The following TENM3 variants were observed in gnomAD, a reference collection of about 807,000 sequenced individuals.
TENM3 encodes teneurin transmembrane protein 3, also known as teneurin-3.
TENM3 carries 63 observed loss-of-function variants against 255.1 expected under a neutral mutation model. The observed-to-expected ratio is 0.25, with a 90% confidence interval of 0.20 to 0.30. The LOEUF (loss-of-function observed/expected upper bound fraction) is 0.30, where lower values mean the gene tolerates loss of function less well. TENM3 is among the 10% of genes least tolerant of loss of function. The pLI is 1.00. For missense variants in TENM3, 2,929 were observed against 3,461.1 expected (o/e 0.85, Z 3.86); for synonymous variants, 1,306 against 1,322.3 (o/e 0.99, Z 0.27).
chr4:182,335,351 C>A (rs919133380), intron 2 of TENM3, among the ~76,000 whole-genome samples: 1 of 142,282 alleles, frequency 7.0e-6, no homozygotes, highest in Non-Finnish European at 1.5e-5. Flanking sequence ...AAAAATTAGC[C>A]GGGCGCGGTG....
At chr4:181,922,385 G>A in the TENM3 span, among the ~76,000 whole-genome samples, 8 of 152,098 alleles carry the variant, frequency 5.3e-5, no homozygotes, top group Non-Finnish European at 8.8e-5. Context: ...TGGTTGCTAA[G>A]CTATTGATTA....
chr4:182,728,410 A>AT (rs149907577), intron 13 of TENM3, among the ~76,000 whole-genome samples: 2,331 of 152,240 alleles, frequency 0.015, 34 homozygotes, highest in Non-Finnish European at 0.023. Flanking sequence ...CTAATCACTA[A>AT]TTTTTTTATT....
chr4:182,484,224 A>G (rs574728841), intron 3 of TENM3, among the ~76,000 whole-genome samples: 3 of 152,286 alleles, frequency 2.0e-5, no homozygotes, highest in African/African-American at 7.2e-5. Flanking sequence ...AATAGGTACT[A>G]TTTTTACCAC....
the TENM3 span, among the ~76,000 whole-genome samples, chr4:181,711,054 G>C: frequency 6.6e-6 from 1 of 152,034 alleles, no homozygotes; most frequent in Admixed American, 6.6e-5. Flanking sequence ...ACCTGGGGTA[G>C]GGTAGAACAA....
the TENM3 span, among the ~76,000 whole-genome samples, chr4:181,690,593 C>T: frequency 1.1e-4 from 17 of 152,086 alleles, no homozygotes; most frequent in South Asian, 3.5e-3. Context: ...TTGTGACACT[C>T]ACTCATCTGA....
chr4:181,736,186 T>C, the TENM3 span, among the ~76,000 whole-genome samples: 1 of 152,012 alleles, frequency 6.6e-6, no homozygotes, highest in South Asian at 2.1e-4. Flanking sequence ...TAGTCCCAGC[T>C]ACTTGGGAGG....
the TENM3 span, among the ~76,000 whole-genome samples, chr4:182,131,535 A>G: frequency 6.6e-6 from 1 of 152,328 alleles, no homozygotes; most frequent in Non-Finnish European, 1.5e-5. Flanking sequence ...AGAGGCAAAG[A>G]TACTGGGTTT....
the TENM3 span, among the ~76,000 whole-genome samples, chr4:181,930,703 C>A: frequency 2.0e-5 from 3 of 151,978 alleles, no homozygotes; most frequent in South Asian, 2.1e-4. Context: ...ACCTGGCAGA[C>A]ACACAACAAA....
the TENM3 span, among the ~76,000 whole-genome samples, chr4:181,634,816 T>C: frequency 6.6e-5 from 10 of 152,208 alleles, no homozygotes; most frequent in Non-Finnish European, 1.2e-4. Flanking sequence ...TTGGTTAGCA[T>C]AAAATCTGAG....
At chr4:182,744,186 A>G in intron 19 of TENM3, 7 of 933,896 alleles carry the variant, frequency 7.5e-6, no homozygotes, top group Non-Finnish European at 8.9e-6. Context: ...CCTTAAGGTT[A>G]TTGTATATTT....
At chr4:181,577,213 T>A in the TENM3 span, among the ~76,000 whole-genome samples, 21 of 139,288 alleles carry the variant, frequency 1.5e-4, no homozygotes, top group African/African-American at 1.9e-4. Flanking sequence ...ATATATATTT[T>A]TTTTTTAAGT....
At chr4:181,747,848 G>A in the TENM3 span, among the ~76,000 whole-genome samples, 14 of 151,700 alleles carry the variant, frequency 9.2e-5, no homozygotes, top group Admixed American at 7.9e-4. Flanking sequence ...GTAAGAATCC[G>A]GTTTTCTTTT....
chr4:181,778,580 A>G, the TENM3 span, among the ~76,000 whole-genome samples: 1 of 152,066 alleles, frequency 6.6e-6, no homozygotes, highest in African/African-American at 2.4e-5. Context: ...ACTTTCTCCT[A>G]ATGTTTCATT....
At chr4:181,845,474 G>T in the TENM3 span, among the ~76,000 whole-genome samples, 1 of 152,052 alleles carries the variant, frequency 6.6e-6, no homozygotes, top group African/African-American at 2.4e-5. Flanking sequence ...CATGTTAGTG[G>T]ATGGGGAAGG....
At chr4:181,508,402 C>A in the TENM3 span, among the ~76,000 whole-genome samples, 2 of 152,302 alleles carry the variant, frequency 1.3e-5, no homozygotes, top group South Asian at 4.1e-4. Context: ...AAAATATTGT[C>A]TTTTTCTGAA....
chr4:181,941,311 G>T, the TENM3 span, among the ~76,000 whole-genome samples: 89 of 119,620 alleles, frequency 7.4e-4, no homozygotes, highest in East Asian at 1.7e-3. Context: ...TTTGTTTGAT[G>T]TTTTTTTTTT....
At chr4:182,162,681 G>A (rs1181000036) in intron 1 of TENM3, among the ~76,000 whole-genome samples, 10 of 152,188 alleles carry the variant, frequency 6.6e-5, no homozygotes, top group Admixed American at 6.5e-4. Flanking sequence ...GGCAGACTCA[G>A]TGTTCCAGCA....
intron 4 of TENM3, among the ~76,000 whole-genome samples, chr4:182,613,120 T>A (rs1266157523): frequency 6.6e-6 from 1 of 152,196 alleles, no homozygotes; most frequent in Non-Finnish European, 1.5e-5. Context: ...AATAATTAAA[T>A]GAATTAATAA....
At chr4:182,190,133 T>A (rs1753421714) in intron 1 of TENM3, 1 of 152,200 alleles carries the variant, frequency 6.6e-6, no homozygotes, top group African/African-American at 2.4e-5. Flanking sequence ...GTTAATAAAT[T>A]GGAGTTTTGC....
Sources: gnomAD v4.1 joint callset for allele counts (sites outside exome capture counted in the v4.1 genomes callset) on GRCh38, gnomAD v4.1.1 for gene constraint, MANE v1.5 for transcripts, NCBI Gene and HGNC (gene_info 2026-07-23, HGNC 2026-07-21) for gene names.